SATB2: variants seen among roughly 807,000 people sequenced by gnomAD.
SATB2 encodes DNA-binding protein SATB2.
In SATB2, 1 loss-of-function variant was observed where a neutral mutation model predicts 73.4. That is an observed-to-expected ratio of 0.01 (90% CI 0.00 to 0.06). SATB2 has a LOEUF of 0.06. Ranked by LOEUF, SATB2 falls within the 10% of genes least tolerant of loss-of-function variation. The probability of loss-of-function intolerance (pLI) is 1.00; values close to 1 mark genes in which losing one functional copy is unlikely to be tolerated. For synonymous variants in SATB2, 397 were observed against 367.0 expected, an observed-to-expected ratio of 1.08 and a Z score of -0.93; for missense variants, 459 against 945.8, an observed-to-expected ratio of 0.49 and a Z score of 6.75.
intron 9 of SATB2, among the ~76,000 whole-genome samples, chr2:199,318,171 T>A (rs1687786360): frequency 6.6e-6 from 1 of 151,948 alleles, no homozygotes. Flanking sequence ...ACCAACTCAC[T>A]TTTACACAGG....
In SATB2 at chr2:199,354,357, A is replaced by AAAAT. The variant is rs1209336508; in HGVS notation, c.701-5188_701-5185dup. 5.3e-4 allele frequency among the ~76,000 whole-genome samples: 80 copies of AAAAT among 152,208 alleles called. 2 individuals carry two copies. Among genetic ancestry groups the AAAAT allele is most frequent in the African/African-American group, 1.6e-3 (68 of 41,534 alleles). On this transcript the variant is annotated intron_variant, in intron 6 of 10. Transcript: ENST00000417098. ...GGTGACAGAGTGAGATTCTGTCTCA[A>AAAAT]AAATAAATAAATAAATAAATAACTC...
In SATB2 at chr2:199,463,545, C is replaced by T. The variant is rs1370108922; in HGVS notation, c.-141+1291G>A. On this transcript the variant is annotated intron_variant, in intron 1 of 11. Coordinates refer to the SATB2 transcript ENST00000260926. This position sits in a 1 kb window ranked among gnomAD's most constrained non-coding sequence, Gnocchi z 6.4. The stretch of plus-strand genomic sequence containing the variant: ...TCACTGCCCGGGTCCCGGCCCGGAG[C>T]CCCAGCGTCCTCTCCCGACAGCGCC... 3.9e-5 allele frequency among the ~76,000 whole-genome samples: 6 copies of T among 152,196 alleles called. No homozygotes were observed. The highest frequency in any genetic ancestry group is 1.4e-4 in the African/African-American group (6 of 41,456).
chr2:199,281,622 T>G (rs551504266), intron 10 of SATB2, among the ~76,000 whole-genome samples: 1 of 152,332 alleles, frequency 6.6e-6, no homozygotes, highest in Non-Finnish European at 1.5e-5. Flanking sequence ...TAAAATATCA[T>G]GTAATTGAAA....
At chr2:199,398,467 T>G (rs551431684) in intron 3 of SATB2, among the ~76,000 whole-genome samples, 6 of 152,330 alleles carry the variant, frequency 3.9e-5, no homozygotes, top group Non-Finnish European at 7.3e-5. Context: ...CTTTTGTCAT[T>G]CAATTTATAG....
intron 9 of SATB2, among the ~76,000 whole-genome samples, chr2:199,309,849 A>T (rs1687546506): frequency 6.6e-6 from 1 of 152,210 alleles, no homozygotes; most frequent in Admixed American, 6.5e-5. Context: ...TGTTCTTAAG[A>T]GGTGCATAAA....
intron 3 of SATB2, among the ~76,000 whole-genome samples, chr2:199,384,850 T>C (rs943797935): frequency 7.2e-5 from 11 of 152,214 alleles, no homozygotes; most frequent in African/African-American, 2.4e-4. Flanking sequence ...TAATTTAATC[T>C]CAAAAATTTA....
chr2:199,404,052 A>C (rs2105895688), intron 3 of SATB2, among the ~76,000 whole-genome samples: 1 of 152,350 alleles, frequency 6.6e-6, no homozygotes, highest in South Asian at 2.1e-4. Context: ...CAGATGCCAA[A>C]GAAGGGCAAA....
At chr2:199,314,688 C>A (rs1290535701) in intron 9 of SATB2, among the ~76,000 whole-genome samples, 1 of 152,024 alleles carries the variant, frequency 6.6e-6, no homozygotes, top group Non-Finnish European at 1.5e-5. Context: ...TTATGGCATG[C>A]AAGGTGAATC....
At chr2:199,317,098 G>A (rs1687757398) in intron 9 of SATB2, among the ~76,000 whole-genome samples, 1 of 152,012 alleles carries the variant, frequency 6.6e-6, no homozygotes, top group African/African-American at 2.4e-5. Context: ...AACCAGACAG[G>A]GCAGACAACC....
At chr2:199,431,266 C>T (rs190429926) in intron 3 of SATB2, among the ~76,000 whole-genome samples, 77 of 152,254 alleles carry the variant, frequency 5.1e-4, no homozygotes, top group African/African-American at 1.6e-3. Flanking sequence ...ACAATAAACA[C>T]GCAGCAAACA....
chr2:199,285,780 C>A (rs6748309), intron 10 of SATB2, among the ~76,000 whole-genome samples: 1 of 151,484 alleles, frequency 6.6e-6, no homozygotes. Context: ...TGGCAGTCAA[C>A]AAAAGAAGAC....
chr2:199,460,203 A>G (rs987047425), upstream of SATB2, among the ~76,000 whole-genome samples: 4 of 152,252 alleles, frequency 2.6e-5, no homozygotes, highest in African/African-American at 9.6e-5. This position sits in a 1 kb window ranked among gnomAD's most constrained non-coding sequence, Gnocchi z 4.0. Context: ...CACAGTTCGA[A>G]GTCGGTGAGA....
intron 6 of SATB2, among the ~76,000 whole-genome samples, chr2:199,361,095 T>C (rs998308058): frequency 9.2e-5 from 14 of 152,166 alleles, no homozygotes; most frequent in South Asian, 4.1e-4. Flanking sequence ...ACCATTTCAA[T>C]TGTCATCCAA....
Position 199,389,135 on chromosome 2 carries a change from G to A in SATB2, c.347-7315C>T, listed in dbSNP as rs373408496. 2.0e-5 allele frequency among the ~76,000 whole-genome samples: 3 copies of A among 152,168 alleles called. No individual in the cohort carries two copies. In the East Asian group the frequency reaches 5.8e-4, roughly 29 times the overall value. On this transcript the variant is annotated intron_variant, in intron 3 of 10. Coordinates refer to ENST00000417098, the MANE Select transcript of SATB2 (RefSeq NM_001172509.2). ...TTGTAGCAGCAAAAAGACATAAATT[G>A]TAGTTATTATTGCTAAAGCTGTGGT... is the stretch of plus-strand genomic sequence containing the variant.
intron 3 of SATB2, among the ~76,000 whole-genome samples, chr2:199,420,813 T>G (rs1691142239): frequency 6.6e-6 from 1 of 152,206 alleles, no homozygotes; most frequent in African/African-American, 2.4e-5. Flanking sequence ...ATATGTTAAA[T>G]CGATATCTCA....
Position 199,350,306 on chromosome 2 carries a change from T to TTTGCC in SATB2, c.701-1138_701-1134dup, listed in dbSNP as rs529351581. Among the ~76,000 whole-genome samples, 664 of 152,032 alleles carry TTTGCC rather than the reference T, an allele frequency of 4.4e-3. 1 individual carries two copies. Among genetic ancestry groups the TTTGCC allele is most frequent in the Non-Finnish European group, 8.3e-3 (565 of 67,990 alleles). ...CCTATTATACAAATGGAATGTGTGGTTTGCCATATAGTTAACCGTGACAGA... is the reference window on the plus strand; with the variant it reads ...CCTATTATACAAATGGAATGTGTGGTTTGCCTTGCCATATAGTTAACCGTGACAGA... On this transcript the variant is annotated intron_variant, in intron 6 of 10. Coordinates refer to ENST00000417098, the MANE Select transcript of SATB2 (RefSeq NM_001172509.2).
chr2:199,363,821 A>G (rs953084437), intron 6 of SATB2, among the ~76,000 whole-genome samples: 8 of 152,228 alleles, frequency 5.3e-5, no homozygotes, highest in African/African-American at 1.9e-4. Flanking sequence ...TTATCCTGCC[A>G]TTACTTTCAA....
chr2:199,276,839 G>A (rs1484127390), intron 10 of SATB2, among the ~76,000 whole-genome samples: 2 of 152,076 alleles, frequency 1.3e-5, no homozygotes, highest in African/African-American at 4.8e-5. Context: ...TACAAACACT[G>A]TATAAAACCA....
chr2:199,394,115 G>T (rs1303033712), intron 3 of SATB2, among the ~76,000 whole-genome samples: 1 of 152,226 alleles, frequency 6.6e-6, no homozygotes. Context: ...ATTAGGACAC[G>T]ATACTCTCAG....
Sources: gnomAD v4.1 joint callset for allele counts (sites outside exome capture counted in the v4.1 genomes callset) on GRCh38, gnomAD v4.1.1 for gene constraint, Gnocchi (gnomAD v3.1) non-coding constraint, MANE v1.5 for transcripts, NCBI Gene and HGNC (gene_info 2026-07-23, HGNC 2026-07-21) for gene names.